The following ZNF90 variants were observed in gnomAD, a reference collection of about 807,000 sequenced individuals.
ZNF90 encodes the protein zinc finger protein HTF9.
ZNF90 carries 11 observed loss-of-function variants against 12.0 expected under a neutral mutation model. The observed-to-expected ratio is 0.92, with a 90% CI of 0.58 to 1.52. The LOEUF is 1.52. Among genes scored for constraint, ZNF90 ranks in the 40% most tolerant of loss-of-function variants. The probability of loss-of-function intolerance (pLI) is 0.00; values close to 1 mark genes in which losing one functional copy is unlikely to be tolerated. For synonymous variants in ZNF90, 232 were observed against 240.1 expected (o/e 0.97, Z 0.31); for missense variants, 765 against 711.5 (o/e 1.08, Z -0.86).
At chr19:20,079,576 T>C (rs945160741) in intron 1 of ZNF90, among the ~76,000 whole-genome samples, 1 of 151,910 alleles carries the variant, frequency 6.6e-6, no homozygotes, top group Non-Finnish European at 1.5e-5. Context: ...GCAAAGAAGT[T>C]TAGAAAGGAG....
At chr19:20,082,055 C>T (rs1331623491) in intron 1 of ZNF90, among the ~76,000 whole-genome samples, 2 of 151,980 alleles carry the variant, frequency 1.3e-5, no homozygotes, top group Non-Finnish European at 2.9e-5. Context: ...TGAGCCACCG[C>T]GCCTGGCCTG....
chr19:20,095,335 G>C (rs1254620984), intron 1 of ZNF90, among the ~76,000 whole-genome samples: 3 of 152,114 alleles, frequency 2.0e-5, no homozygotes, highest in African/African-American at 4.8e-5. Flanking sequence ...AGCCACTGTC[G>C]ATTTGTATTG....
chr19:20,089,613 A>G (rs1201929507), intron 1 of ZNF90, among the ~76,000 whole-genome samples: 6 of 151,886 alleles, frequency 4.0e-5, no homozygotes, highest in African/African-American at 1.5e-4. Context: ...AATAGGGGGG[A>G]AGTAGAGTTA....
At chr19:20,095,229 C>T (rs992115643) in intron 1 of ZNF90, among the ~76,000 whole-genome samples, 7 of 151,986 alleles carry the variant, frequency 4.6e-5, no homozygotes, top group African/African-American at 9.7e-5. Flanking sequence ...AATGCCTGGA[C>T]GTAAGGCACC....
intron 3 of ZNF90, among the ~76,000 whole-genome samples, chr19:20,116,956 A>T (rs1254349869): frequency 1.3e-5 from 2 of 150,066 alleles, no homozygotes; most frequent in African/African-American, 5.0e-5. Flanking sequence ...AGAAATAAAG[A>T]TGTATGTGCC....
In ZNF90 at chr19:20,117,970, C is replaced by T; in HGVS notation, c.416C>T (p.Ala139Val). 3.1e-6 allele frequency: 5 copies of T among 1,613,308 alleles called. No homozygotes were observed. Among genetic ancestry groups the T allele is most frequent in the Non-Finnish European group, 4.2e-6 (5 of 1,179,654 alleles). The change falls in exon 4 of 4, where the codon GCT becomes GTT. Residue 139 changes from alanine to valine, a missense_variant. By Grantham distance (64) the Ala-to-Val change is moderately conservative. Transcript: ENST00000418063. ...GYNGLNQCLT[A>V]TQSKVFQCDT... Reference sequence around the variant, plus strand: ...AATGGACTTAACCAATGTTTGACAGCTACCCAGAGCAAAGTATTTCAATGT... The same window carrying T: ...AATGGACTTAACCAATGTTTGACAGTTACCCAGAGCAAAGTATTTCAATGT...
chr19:20,106,487 C>T lies in ZNF90; in HGVS notation c.226+1171C>T, dbSNP rs368255154. On this transcript the variant is annotated intron_variant, in intron 3 of 3. Transcript: ENST00000418063. The stretch of plus-strand genomic sequence containing the variant: ...TTTCTTTTTTTGAGACGGAGTCTTG[C>T]TCTGTCACCCAGGCTGGAGTGCAGT... 1.1e-4 allele frequency among the ~76,000 whole-genome samples: 17 copies of T among 152,316 alleles called. No homozygotes were observed. The East Asian group carries it at 1.4e-3, about 12-fold the overall frequency.
chr19:20,119,254 G>A lies in ZNF90; in HGVS notation c.1700G>A (p.Cys567Tyr). ...ISHTGEKPYKCEECGKAFNLS... is the reference protein window; with the variant it reads ...ISHTGEKPYKYEECGKAFNLS... ...CATACTGGAGAGAAACCCTACAAAT[G>A]TGAAGAATGTGGCAAAGCTTTTAAC... Residue 567 changes from cysteine (C) to tyrosine (Y), a missense_variant, in exon 4 of 4, where the codon TGT becomes TAT. Transcript: ENST00000418063. 6.2e-7 allele frequency: 1 copy of A among 1,613,896 alleles called. No homozygotes were observed. Among genetic ancestry groups the A allele is most frequent in the South Asian group, 1.1e-5 (1 of 91,050 alleles).
chr19:20,081,136 G>A (rs538308788), intron 1 of ZNF90, among the ~76,000 whole-genome samples: 2 of 152,172 alleles, frequency 1.3e-5, no homozygotes, highest in East Asian at 1.9e-4. Context: ...AGACATAGAC[G>A]TGCCCATACT....
chr19:20,078,009 C>A lies in ZNF90; in HGVS notation c.-124C>A. 7.6e-7 allele frequency: 1 copy of A among 1,311,580 alleles called. No individual in the cohort carries two copies. The highest frequency in any genetic ancestry group is 1.1e-6 in the Non-Finnish European group (1 of 907,498). The allele number at this position is 1,311,580 out of a possible 1,614,324, so 81.2% of individuals were successfully genotyped here. A position where few individuals can be genotyped will look rare whatever the true frequency, so the allele number is the denominator to read the frequency against. Reference sequence around the variant, plus strand: ...TCGGGTTTGGCGCGGCCATTTGTCTCTTGCTGCAGCTGGTGCTCCAAATCT... The same window carrying A: ...TCGGGTTTGGCGCGGCCATTTGTCTATTGCTGCAGCTGGTGCTCCAAATCT... On this transcript the variant is annotated 5_prime_UTR_variant, in exon 1 of 4. Coordinates refer to ENST00000418063, the MANE Select transcript of ZNF90 (RefSeq NM_007138.2).
chr19:20,101,175 C>T (rs1555703831), intron 1 of ZNF90, among the ~76,000 whole-genome samples: 1 of 152,184 alleles, frequency 6.6e-6, no homozygotes, highest in Non-Finnish European at 1.5e-5. Context: ...CTTTGCCACT[C>T]CCGATTAGGC....
At chr19:20,111,669 G>A (rs1178568864) in intron 3 of ZNF90, among the ~76,000 whole-genome samples, 1 of 150,986 alleles carries the variant, frequency 6.6e-6, no homozygotes, top group Admixed American at 6.6e-5. Flanking sequence ...TTTTTTATTT[G>A]CTTTTGTATA....
chr19:20,090,915 C>A (rs186842085), intron 1 of ZNF90, among the ~76,000 whole-genome samples: 8 of 152,264 alleles, frequency 5.3e-5, no homozygotes, highest in African/African-American at 1.9e-4. Context: ...TTAGTCCGTT[C>A]TACCTTTCCT....
intron 3 of ZNF90, among the ~76,000 whole-genome samples, chr19:20,105,759 A>G (rs916841388): frequency 5.9e-5 from 9 of 152,168 alleles, no homozygotes; most frequent in Admixed American, 1.3e-4. Flanking sequence ...TTCTGTTTTT[A>G]TTACTATATA....
Position 20,082,378 on chromosome 19 carries a change from A to G in ZNF90, c.3+4243A>G, listed in dbSNP as rs553105633. Among the ~76,000 whole-genome samples, 63 of 152,290 alleles carry G rather than the reference A, an allele frequency of 4.1e-4. 1 individual carries two copies. The Middle Eastern group carries it at 0.027, about 66-fold the overall frequency. On this transcript the variant is annotated intron_variant, in intron 1 of 3. Coordinates refer to ENST00000418063, the MANE Select transcript of ZNF90 (RefSeq NM_007138.2). ...GAGAGATCAGACTGTTACTGTGTCT[A>G]TGTAGAAAGAAGTAGACATAAGAGA...
intron 1 of ZNF90, among the ~76,000 whole-genome samples, chr19:20,083,221 C>T (rs2088834118): frequency 6.6e-6 from 1 of 152,148 alleles, no homozygotes; most frequent in Non-Finnish European, 1.5e-5. Flanking sequence ...TATACTTTGT[C>T]TCTGTGTCTC....
intron 1 of ZNF90, among the ~76,000 whole-genome samples, chr19:20,095,782 A>AG (rs1214073139): frequency 6.6e-6 from 1 of 151,542 alleles, no homozygotes; most frequent in Non-Finnish European, 1.5e-5. Context: ...GAAGGGGTTG[A>AG]GGGGTTCTTG....
intron 1 of ZNF90, among the ~76,000 whole-genome samples, chr19:20,084,255 C>T (rs1205107049): frequency 6.6e-6 from 1 of 151,988 alleles, no homozygotes; most frequent in East Asian, 1.9e-4. Flanking sequence ...CGGGGTTTCA[C>T]CATATTGGTC....
Position 20,120,547 on chromosome 19 carries a change from C to T in ZNF90, c.*1187C>T, listed in dbSNP as rs1249552974. On this transcript the variant is annotated 3_prime_UTR_variant, in exon 4 of 4. Coordinates refer to ENST00000418063, the MANE Select transcript of ZNF90 (RefSeq NM_007138.2). Reference sequence around the variant, plus strand: ...TTTTCAAAAACTACAGCTTAGAAAACACCAGAGAGTTGATACTAAAATATA... The same window carrying T: ...TTTTCAAAAACTACAGCTTAGAAAATACCAGAGAGTTGATACTAAAATATA... Among the ~76,000 whole-genome samples the T allele has an allele frequency of 6.6e-6, 1 of 151,982 alleles. No individual in the cohort carries two copies. The highest frequency in any genetic ancestry group is 1.9e-4 in the East Asian group (1 of 5,188).
Sources: gnomAD v4.1 joint callset for allele counts (sites outside exome capture counted in the v4.1 genomes callset) on GRCh38, gnomAD v4.1.1 for gene constraint, MANE v1.5 for transcripts, NCBI Gene and HGNC (gene_info 2026-07-23, HGNC 2026-07-21) for gene names.